TMEM143: variants seen among roughly 807,000 people sequenced by gnomAD.
The protein encoded by TMEM143 is transmembrane protein 143.
A neutral mutation model predicts 40.3 loss-of-function variants in TMEM143; 45 were observed. That is an observed-to-expected ratio of 1.12 (90% CI 0.88 to 1.43). The LOEUF (loss-of-function observed/expected upper bound fraction) is 1.43, where lower values mean the gene tolerates loss of function less well. TMEM143 is among the 40% of genes most tolerant of loss of function. The pLI, the probability that TMEM143 is intolerant of heterozygous loss-of-function variation, is 0.00. For synonymous variants in TMEM143, 299 were observed against 282.7 expected (o/e 1.06, Z -0.58); for missense variants, 620 against 613.4 (o/e 1.01, Z -0.11).
intron 3 of TMEM143, among the ~76,000 whole-genome samples, chr19:48,347,554 C>CTTTTTT (rs1309165553): frequency 7.8e-6 from 1 of 128,456 alleles, no homozygotes; most frequent in Non-Finnish European, 1.7e-5. Context: ...CTCTACAAAA[C>CTTTTTT]TTTTTTTTTT....
At chr19:48,342,197 G>A (rs1969506479) in intron 6 of TMEM143, among the ~76,000 whole-genome samples, 1 of 122,090 alleles carries the variant, frequency 8.2e-6, no homozygotes, top group Admixed American at 7.9e-5. Context: ...GAGGAGGGGA[G>A]GCGGAAGGAA....
rs1330283918 is a variant in TMEM143, at chr19:48,333,919, T to C, written c.1165+89A>G. 2 of 1,358,150 alleles carry C rather than the reference T, an allele frequency of 1.5e-6. No individual in the cohort carries two copies. Among genetic ancestry groups the C allele is most frequent in the East Asian group, 2.5e-5 (1 of 39,228 alleles). The allele number at this position is 1,358,150 out of a possible 1,614,324, so 84.1% of individuals were successfully genotyped here. On this transcript the variant is annotated intron_variant, in intron 7 of 7. Coordinates refer to ENST00000293261, the MANE Select transcript of TMEM143 (RefSeq NM_018273.4). The surrounding 1 kb of genome is among the most constrained non-coding windows in gnomAD (Gnocchi z 4.1). ...TTCGCAAACCCGTCAGGTTCACCCGTGGGAACTGGGGGTGGGGACGCATCT... is the reference window on the plus strand; with the variant it reads ...TTCGCAAACCCGTCAGGTTCACCCGCGGGAACTGGGGGTGGGGACGCATCT...
At position 48,345,298 on chromosome 19, in the gene TMEM143, C is replaced by G. The variant is rs747301270; in HGVS notation, c.426G>C (p.Thr142=). The G allele has an allele frequency of 6.2e-7, 1 of 1,605,048 alleles. No homozygotes were observed. Among genetic ancestry groups the G allele is most frequent in the East Asian group, 2.2e-5 (1 of 44,628 alleles). The change falls in exon 4 of 8, where the codon ACG becomes ACC. Residue 142 remains threonine, a synonymous_variant. Transcript: ENST00000293261. The stretch of plus-strand genomic sequence containing the variant: ...GCTCATTAGACAGACGCTGGGGATC[C>G]GTTAGTGATGGCTGATCGAGGGTCT... The part of the protein sequence containing the change: ...DRETLDQPSL[T]DPQRLSNEQE...
rs1969523897 is a variant in TMEM143, at chr19:48,342,649, C to T, written c.856G>A (p.Val286Ile). The T allele has an allele frequency of 6.2e-7, 1 of 1,613,984 alleles. No individual in the cohort carries two copies. The highest frequency in any genetic ancestry group is 8.5e-7 in the Non-Finnish European group (1 of 1,180,036). The change falls in exon 6 of 8, where the codon GTA (valine) becomes ATA (isoleucine). Residue 286 changes from valine to isoleucine, a missense_variant. Val to Ile is a conservative substitution (Grantham distance 29, BLOSUM62 3). Coordinates refer to ENST00000293261, the MANE Select transcript of TMEM143 (RefSeq NM_018273.4). Reference sequence around the variant, plus strand: ...ACGAAGATCGCCACGCCGGAGACTACCAGCATGAGGTTGAGCAGGGCGCGC... The same window carrying T: ...ACGAAGATCGCCACGCCGGAGACTATCAGCATGAGGTTGAGCAGGGCGCGC... ...LQRALLNLML[V>I]VSGVAIFVNV...
Position 48,332,825 on chromosome 19 carries a change from A to C in TMEM143, c.*394T>G, listed in dbSNP as rs3745720. 63,004 of 159,592 alleles carry C rather than the reference A, an allele frequency of 0.39. 12,915 individuals carry two copies. Among genetic ancestry groups the C allele is most frequent in the Middle Eastern group, 0.48 (155 of 326 alleles). 9.9% of individuals were successfully genotyped at this position (159,592 alleles called of 1,614,324 possible). ...CAGTTTGCCCGGAGCGGGCTGAAAAAGACAATGATATATAGTCTCGGGAGG... is the reference window on the plus strand; with the variant it reads ...CAGTTTGCCCGGAGCGGGCTGAAAACGACAATGATATATAGTCTCGGGAGG... On this transcript the variant is annotated 3_prime_UTR_variant, in exon 8 of 8. Coordinates refer to ENST00000293261, the MANE Select transcript of TMEM143 (RefSeq NM_018273.4).
intron 6 of TMEM143, among the ~76,000 whole-genome samples, chr19:48,336,490 A>AGT: frequency 6.6e-6 from 1 of 151,890 alleles, no homozygotes; most frequent in African/African-American, 2.4e-5. Flanking sequence ...GCGCCACTGC[A>AGT]CTCCAGCCTG....
In TMEM143 at chr19:48,334,065, G is replaced by A. The variant is rs1456354015; in HGVS notation, c.1108C>T (p.Leu370=). 2 of 1,582,072 alleles carry A rather than the reference G, an allele frequency of 1.3e-6. No individual in the cohort carries two copies. Among genetic ancestry groups the A allele is most frequent in the Non-Finnish European group, 1.7e-6 (2 of 1,165,948 alleles). ...CGGGCCAGGAAGCTGTGAGCCAGCA[G>A]CGCCTCCTTGGTGTGCTCGTCCTGC... The part of the protein sequence containing the change: ...RAQDEHTKEA[L]LAHSFLARRP... Residue 370 remains leucine (L), a synonymous_variant, in exon 7 of 8, where the codon CTG becomes TTG. Transcript: ENST00000293261.
At chr19:48,339,028 T>A (rs1167698195) in intron 6 of TMEM143, among the ~76,000 whole-genome samples, 1 of 151,884 alleles carries the variant, frequency 6.6e-6, no homozygotes, top group African/African-American at 2.4e-5. Context: ...GAGGCGCAGA[T>A]TCGAGGGGAA....
Position 48,363,362 on chromosome 19 carries a change from C to T in TMEM143, c.193G>A (p.Asp65Asn), listed in dbSNP as rs1970103160. 1 of 1,614,198 alleles carries T rather than the reference C, an allele frequency of 6.2e-7. No individual in the cohort carries two copies. Among genetic ancestry groups the T allele is most frequent in the Admixed American group, 1.7e-5 (1 of 60,034 alleles). ...RKMWNPREPR[D>N]WAQQYRERFI... ...CGCTCGCGGTACTGCTGGGCCCAGT[C>T]GCGGGGCTCCCTGGGGTTCCACATC... Residue 65 changes from aspartate to asparagine, a missense_variant, in exon 2 of 8, where the codon GAC becomes AAC. Transcript: ENST00000293261.
chr19:48,334,434 CTT>C (rs1361834107), intron 6 of TMEM143, among the ~76,000 whole-genome samples: 1 of 39,344 alleles, frequency 2.5e-5, no homozygotes, highest in Non-Finnish European at 6.0e-5. Flanking sequence ...TTCTTTCTTT[CTT>C]TCTTTCTTTC....
At chr19:48,342,929 G>C in intron 5 of TMEM143, 120 bp from the exon 6 acceptor site, 3 of 1,227,360 alleles carry the variant, frequency 2.4e-6, no homozygotes, top group Non-Finnish European at 3.3e-6. Context: ...AAGCGACTCA[G>C]TAATCATGGG....
At chr19:48,345,120 A>G (rs1969590644) in intron 4 of TMEM143, 40 bp downstream of exon 4, 1 of 1,601,716 alleles carries the variant, frequency 6.2e-7, no homozygotes, top group African/African-American at 1.3e-5. Flanking sequence ...CCCACCCTAG[A>G]GGCCTCCTGG....
chr19:48,337,733 T>G (rs978950524), intron 6 of TMEM143, among the ~76,000 whole-genome samples: 3 of 151,976 alleles, frequency 2.0e-5, no homozygotes, highest in Non-Finnish European at 2.9e-5. Flanking sequence ...ATCGCTGAAA[T>G]GGCCTGCAAG....
chr19:48,363,422 A>G lies in TMEM143; in HGVS notation c.133T>C (p.Ser45Pro). ...PALLGPPRAL[S>P]SLAAKMGEYR... ...TCCCCCATTTTGGCTGCCAGCGATG[A>G]GAGGGCCCGGGGGGGCCCGAGGAGC... Residue 45 changes from serine (S) to proline (P), a missense_variant, in exon 2 of 8, where the codon TCA becomes CCA. Transcript: ENST00000293261. The G allele has an allele frequency of 6.2e-7, 1 of 1,614,048 alleles. No homozygotes were observed. Among genetic ancestry groups the G allele is most frequent in the African/African-American group, 1.3e-5 (1 of 75,064 alleles).
chr19:48,354,264 C>CT (rs71181682), intron 3 of TMEM143, among the ~76,000 whole-genome samples: 2,054 of 110,310 alleles, frequency 0.019, 63 homozygotes, highest in African/African-American at 0.06. Context: ...CAGACTTTTT[C>CT]TTTTTTTTTT....
In TMEM143 at chr19:48,333,919, T is replaced by G; in HGVS notation, c.1165+89A>C. The G allele has an allele frequency of 7.4e-7, 1 of 1,358,246 alleles. No homozygotes were observed. The highest frequency in any genetic ancestry group is 9.7e-7 in the Non-Finnish European group (1 of 1,027,970). The allele number at this position is 1,358,246 out of a possible 1,614,324, so 84.1% of individuals were successfully genotyped here. A position where few individuals can be genotyped will look rare whatever the true frequency, so the allele number is the denominator to read the frequency against. ...TTCGCAAACCCGTCAGGTTCACCCG[T>G]GGGAACTGGGGGTGGGGACGCATCT... On this transcript the variant is annotated intron_variant, in intron 7 of 7. Transcript: ENST00000293261. The surrounding 1 kb of genome is among the most constrained non-coding windows in gnomAD (Gnocchi z 4.1).
intron 3 of TMEM143, among the ~76,000 whole-genome samples, chr19:48,346,173 C>A (rs1346728659): frequency 6.6e-6 from 1 of 151,724 alleles, no homozygotes; most frequent in Non-Finnish European, 1.5e-5. Context: ...CTCACTGCAA[C>A]CTCCACCTCC....
chr19:48,336,338 T>C (rs988019234), intron 6 of TMEM143, among the ~76,000 whole-genome samples: 4 of 151,296 alleles, frequency 2.6e-5, no homozygotes, highest in African/African-American at 4.9e-5. Flanking sequence ...GCCAACATGG[T>C]GAAACCTTGT....
chr19:48,352,342 C>A (rs1235092661), intron 3 of TMEM143, among the ~76,000 whole-genome samples: 1 of 150,690 alleles, frequency 6.6e-6, no homozygotes, highest in Non-Finnish European at 1.5e-5. Flanking sequence ...CTAGCCCTGT[C>A]CCCCAAGCTG....
Sources: allele counts gnomAD v4.1 joint callset (sites outside exome capture counted in the v4.1 genomes callset), GRCh38; gene constraint gnomAD v4.1.1; non-coding constraint Gnocchi (gnomAD v3.1); transcripts MANE v1.5; gene names NCBI Gene and HGNC (gene_info 2026-07-23, HGNC 2026-07-21).